The following SCNN1B variants were observed in gnomAD, a reference collection of about 807,000 sequenced individuals.
SCNN1B encodes the protein epithelial sodium channel subunit beta.
A neutral mutation model predicts 65.3 loss-of-function variants in SCNN1B; 46 were observed. The observed-to-expected ratio is 0.70, with a 90% confidence interval of 0.56 to 0.90. The LOEUF (loss-of-function observed/expected upper bound fraction) is 0.90. Among genes scored for constraint, SCNN1B ranks in the 40% least tolerant of loss-of-function variants. SCNN1B has a pLI of 0.00. For missense variants in SCNN1B, 751 were observed against 830.5 expected (o/e 0.90, Z 1.18); for synonymous variants, 349 against 330.6 (o/e 1.06, Z -0.60).
At chr16:23,304,589 G>C (rs1291408306) in intron 1 of SCNN1B, among the ~76,000 whole-genome samples, 1 of 152,206 alleles carries the variant, frequency 6.6e-6, no homozygotes, top group Non-Finnish European at 1.5e-5. Flanking sequence ...GACAGAAGGA[G>C]CTGAGAACCA....
intron 1 of SCNN1B, among the ~76,000 whole-genome samples, chr16:23,331,020 C>G (rs753958661): frequency 6.6e-6 from 1 of 152,250 alleles, no homozygotes; most frequent in Non-Finnish European, 1.5e-5. Flanking sequence ...CACCAGCCAG[C>G]AGCTTTCATC....
At chr16:23,288,146 C>T (rs1444865615) in intron 2 of SCNN1B, among the ~76,000 whole-genome samples, 1 of 152,046 alleles carries the variant, frequency 6.6e-6, no homozygotes, top group Non-Finnish European at 1.5e-5. Context: ...AAGTGAGACC[C>T]TGTCTAGACC....
intron 1 of SCNN1B, among the ~76,000 whole-genome samples, chr16:23,330,781 C>T (rs945437905): frequency 6.6e-6 from 1 of 152,052 alleles, no homozygotes; most frequent in Non-Finnish European, 1.5e-5. Flanking sequence ...CTATGTTGCC[C>T]AGGTTCTTGA....
intron 1 of SCNN1B, among the ~76,000 whole-genome samples, chr16:23,308,949 C>G (rs1200167458): frequency 6.6e-6 from 1 of 152,142 alleles, no homozygotes; most frequent in East Asian, 1.9e-4. Flanking sequence ...GAGGGACAGT[C>G]AAGTGTGAGA....
At chr16:23,344,133 T>C (rs966658684) in intron 1 of SCNN1B, among the ~76,000 whole-genome samples, 2 of 152,270 alleles carry the variant, frequency 1.3e-5, no homozygotes, top group African/African-American at 2.4e-5. Context: ...CCCCTTTTTT[T>C]ACTTAAGCAC....
At position 23,348,232 on chromosome 16, in the gene SCNN1B, C is replaced by T. The variant is rs1178740798; in HGVS notation, c.-8-360C>T. ...CGTCGTTTGAGGACTTGCTATACCA[C>T]ATTTTATGCACAGAGAACCTGAGTT... is the stretch of plus-strand genomic sequence containing the variant. On this transcript the variant is annotated intron_variant, in intron 1 of 12. Coordinates refer to ENST00000343070, the MANE Select transcript of SCNN1B (RefSeq NM_000336.3). This position sits in a 1 kb window ranked among gnomAD's most constrained non-coding sequence, Gnocchi z 4.5. Among the ~76,000 whole-genome samples the T allele has an allele frequency of 6.6e-6, 1 of 152,162 alleles. No homozygotes were observed. The highest frequency in any genetic ancestry group is 1.5e-5 in the Non-Finnish European group (1 of 68,036).
At chr16:23,344,764 C>T (rs58096007) in intron 1 of SCNN1B, among the ~76,000 whole-genome samples, 13,661 of 152,058 alleles carry the variant, frequency 0.09, 672 homozygotes, top group Middle Eastern at 0.17. Flanking sequence ...GAAGCCAATG[C>T]GGGTGGATCG....
chr16:23,370,174 C>T (rs983314128), intron 5 of SCNN1B, among the ~76,000 whole-genome samples: 2 of 152,160 alleles, frequency 1.3e-5, no homozygotes, highest in Non-Finnish European at 2.9e-5. Context: ...GGCGCAATCT[C>T]GGCTCACTAC....
chr16:23,297,892 G>A (rs1339245766), upstream of SCNN1B, among the ~76,000 whole-genome samples: 1 of 152,090 alleles, frequency 6.6e-6, no homozygotes, highest in Non-Finnish European at 1.5e-5. Flanking sequence ...TAGAATGAAT[G>A]GATGTTTGGT....
Position 23,365,557 on chromosome 16 carries a change from GAGAAAGAAAGAAAGAA to G in SCNN1B, c.777-2283_777-2268del, listed in dbSNP as rs71379673. Among the ~76,000 whole-genome samples the G allele has an allele frequency of 5.4e-5, 5 of 92,426 alleles. No individual in the cohort carries two copies. In the East Asian group the frequency reaches 9.7e-4, roughly 18 times the overall value. The allele number at this position is 92,426 out of a possible 152,430, so 60.6% of individuals were successfully genotyped here. A position where few individuals can be genotyped will look rare whatever the true frequency, so the allele number is the denominator to read the frequency against. The stretch of plus-strand genomic sequence containing the variant: ...AGAGAAGGAAAGAGAAAGAAGGAAA[GAGAAAGAAAGAAAGAA>G]AGAAAGAAAGAAAGAGAAAGAAAGA... On this transcript the variant is annotated intron_variant, in intron 4 of 12. Transcript: ENST00000343070.
intron 2 of SCNN1B, among the ~76,000 whole-genome samples, chr16:23,287,623 C>T (rs1960868420): frequency 6.6e-6 from 1 of 151,956 alleles, no homozygotes; most frequent in Non-Finnish European, 1.5e-5. Flanking sequence ...GGGTGGCCTA[C>T]AGATCCACCT....
chr16:23,352,477 G>A (rs1442171655), intron 2 of SCNN1B, among the ~76,000 whole-genome samples: 1 of 152,224 alleles, frequency 6.6e-6, no homozygotes, highest in East Asian at 1.9e-4. Context: ...GTTCGTGATA[G>A]TGAGTGAGTT....
intron 1 of SCNN1B, among the ~76,000 whole-genome samples, chr16:23,325,580 T>G (rs1961679098): frequency 2.0e-5 from 3 of 152,200 alleles, no homozygotes; most frequent in South Asian, 4.1e-4. Context: ...TTTTTGAATT[T>G]TTTTTTAAAC....
chr16:23,359,965 A>G (rs1349204567), intron 4 of SCNN1B, among the ~76,000 whole-genome samples: 4 of 151,874 alleles, frequency 2.6e-5, no homozygotes, highest in African/African-American at 4.8e-5. Flanking sequence ...CACTTTGGGA[A>G]GCCGAGGCAG....
intron 5 of SCNN1B, 98 bp downstream of exon 5, chr16:23,368,057 G>GT (rs1962708992): frequency 1.5e-5 from 14 of 921,466 alleles, no homozygotes; most frequent in Non-Finnish European, 2.2e-5. Context: ...GTGGGACTGA[G>GT]GGGGGACCAA....
chr16:23,371,525 C>G, intron 6 of SCNN1B, 63 bp downstream of exon 6: 1 of 1,533,948 alleles, frequency 6.5e-7, no homozygotes, highest in Non-Finnish European at 9.0e-7. Flanking sequence ...CTGTCCAGGG[C>G]CAACTGCCCT....
chr16:23,363,650 A>C (rs1962594909), intron 4 of SCNN1B, among the ~76,000 whole-genome samples: 2 of 151,764 alleles, frequency 1.3e-5, no homozygotes, highest in African/African-American at 4.8e-5. Context: ...CCATCTCCAC[A>C]AAAAATTTTA....
chr16:23,356,930 G>A (rs916547827), intron 4 of SCNN1B, among the ~76,000 whole-genome samples: 3 of 152,192 alleles, frequency 2.0e-5, no homozygotes, highest in East Asian at 3.9e-4. Context: ...GCAGAAGCAC[G>A]TGGGAAGGAG....
At position 23,348,931 on chromosome 16, in the gene SCNN1B, C is replaced by A. The variant is rs1390777954; in HGVS notation, c.311+21C>A. ...TTCAAGTAGGTGGCCCCGGAGTGCA[C>A]AGCTGGCCTCAGCAGACAGGCGGTT... On this transcript the variant is annotated intron_variant, in intron 2 of 12. Coordinates refer to ENST00000343070, the MANE Select transcript of SCNN1B (RefSeq NM_000336.3). The surrounding 1 kb of genome is among the most constrained non-coding windows in gnomAD (Gnocchi z 4.5). 2 of 1,600,806 alleles carry A rather than the reference C, an allele frequency of 1.2e-6. No homozygotes were observed. The highest frequency in any genetic ancestry group is 1.7e-6 in the Non-Finnish European group (2 of 1,168,016).
Sources: gnomAD v4.1 joint callset for allele counts (sites outside exome capture counted in the v4.1 genomes callset) on GRCh38, gnomAD v4.1.1 for gene constraint, Gnocchi (gnomAD v3.1) non-coding constraint, MANE v1.5 for transcripts, NCBI Gene and HGNC (gene_info 2026-07-23, HGNC 2026-07-21) for gene names.